The following ATP2C2 variants were observed in gnomAD, a reference collection of about 807,000 sequenced individuals.
ATP2C2 encodes ATPase secretory pathway Ca2+ transporting 2.
ATP2C2 carries 171 observed loss-of-function variants against 110.8 expected under a neutral mutation model. The observed-to-expected ratio is 1.54, with a 90% CI of 1.36 to 1.75. The LOEUF is 1.75. Ranked by LOEUF, ATP2C2 falls within the 40% of genes most tolerant of loss-of-function variation. The probability of loss-of-function intolerance (pLI) is 0.00; values close to 1 mark genes in which losing one functional copy is unlikely to be tolerated. For synonymous variants in ATP2C2, 804 were observed against 508.4 expected (o/e 1.58, Z -7.82); for missense variants, 1,963 against 1,235.0 (o/e 1.59, Z -8.84).
intron 26 of ATP2C2, 56 bp from the exon 27 acceptor site, chr16:84,463,558 C>T (rs954769073): frequency 6.8e-7 from 1 of 1,479,998 alleles, no homozygotes; most frequent in Non-Finnish European, 9.4e-7. Flanking sequence ...GCGCTTCCTG[C>T]CGGCGCAACA....
Position 84,461,827 on chromosome 16 carries a change from G to A in ATP2C2, c.2580+15G>A. 1 of 1,612,164 alleles carries A rather than the reference G, an allele frequency of 6.2e-7. No homozygotes were observed. The highest frequency in any genetic ancestry group is 8.5e-7 in the Non-Finnish European group (1 of 1,178,146). On this transcript the variant is annotated intron_variant, in intron 25 of 26. Transcript: ENST00000262429. ...GCCGCTCTCAGGTGAGACCCGGGCT[G>A]ACCCTCCTCGCTGCAGAGCTGCTGT... is the stretch of plus-strand genomic sequence containing the variant.
intron 15 of ATP2C2, among the ~76,000 whole-genome samples, chr16:84,443,651 C>G (rs915406149): frequency 6.6e-6 from 1 of 152,212 alleles, no homozygotes; most frequent in Non-Finnish European, 1.5e-5. Flanking sequence ...TCATCCCGGG[C>G]TCACTTCACT....
chr16:84,448,501 A>G (rs201062865), intron 16 of ATP2C2, 32 bp from the exon 17 acceptor site: 34 of 1,590,206 alleles, frequency 2.1e-5, no homozygotes, highest in Non-Finnish European at 2.8e-5. Context: ...GCTTCCAGTG[A>G]TAGTGGATTT....
At chr16:84,415,681 T>C (rs1296830536) in intron 7 of ATP2C2, 90 bp downstream of exon 7, 2 of 1,025,042 alleles carry the variant, frequency 2.0e-6, no homozygotes, top group African/African-American at 3.2e-5. Context: ...GTATAGTCTC[T>C]CTCATACACA....
rs1017586814 is a variant in ATP2C2 at position 84,439,101 on chromosome 16, C to T, written c.987-65C>T. On this transcript the variant is annotated intron_variant, in intron 11 of 26. Transcript: ENST00000262429. ...CTTCACCAGCCAAAAGCATTGCCAG[C>T]CCCAGCTGAGAGTCACACACTCCTT... 4.4e-6 allele frequency: 7 copies of T among 1,592,448 alleles called. No individual in the cohort carries two copies. In the African/African-American group the frequency reaches 9.4e-5, roughly 21 times the overall value.
In ATP2C2 at chr16:84,440,922, G is replaced by A. The variant is rs185081364; in HGVS notation, c.1275G>A (p.Lys425=). 27 of 1,613,404 alleles carry A rather than the reference G, an allele frequency of 1.7e-5. No individual in the cohort carries two copies. In the East Asian group the frequency reaches 4.7e-4, roughly 28 times the overall value. Residue 425 remains lysine (K), a synonymous_variant, in exon 14 of 27, where the codon AAG becomes AAA. Coordinates refer to ENST00000262429, the MANE Select transcript of ATP2C2 (RefSeq NM_014861.4). ...TTCTACCATCCAAGGAAGTCATTAA[G>A]GAATTTTCCAATGTCTCAGTGGGAA... ...VCLLPSKEVI[K]EFSNVSVGKL... is the part of the protein sequence containing the mutation.
chr16:84,453,227 G>T lies in ATP2C2; in HGVS notation c.1921G>T (p.Val641Leu). 6.2e-7 allele frequency: 1 copy of T among 1,614,088 alleles called. No homozygotes were observed. Among genetic ancestry groups the T allele is most frequent in the South Asian group, 1.1e-5 (1 of 91,074 alleles). The stretch of plus-strand genomic sequence containing the variant: ...GGAGAAGGGCGAGCTGGCCGACCGC[G>T]TGGGGAAGGTGGGTCCCCGGAGGCT... The part of the protein sequence containing the change: ...SVEKGELADR[V>L]GKVSVFFRTS... Residue 641 changes from valine (V) to leucine (L), a missense_variant, in exon 19 of 27, where the codon GTG becomes TTG. Physicochemically the swap from Val to Leu is conservative, Grantham distance 32. Transcript: ENST00000262429.
chr16:84,405,193 T>C lies in ATP2C2; in HGVS notation c.276T>C (p.Asn92=), dbSNP rs372754075. 9 of 1,613,958 alleles carry C rather than the reference T, an allele frequency of 5.6e-6. No homozygotes were observed. In the African/African-American group the frequency reaches 1.1e-4, roughly 19 times the overall value. Residue 92 remains asparagine (N), a synonymous_variant, in exon 3 of 27, where the codon AAT becomes AAC. Transcript: ENST00000262429. ...AGCGCCGGCTGGCCCATGGCTGGAA[T>C]GAGTTTGTTGCTGACAACAGCGAAC... The part of the protein sequence containing the change: ...VTQRRLAHGW[N]EFVADNSEPV...
chr16:84,460,977 C>G, intron 24 of ATP2C2, 176 bp downstream of exon 24: 2 of 957,536 alleles, frequency 2.1e-6, no homozygotes, highest in Non-Finnish European at 2.9e-6. Context: ...GACTGGGTGA[C>G]CCTTGAAAGA....
chr16:84,395,489 C>T (rs1904916244), intron 1 of ATP2C2, among the ~76,000 whole-genome samples: 2 of 149,672 alleles, frequency 1.3e-5, no homozygotes, highest in Admixed American at 1.3e-4. Flanking sequence ...GACAGAGTCT[C>T]ACTCTGTTGC....
intron 1 of ATP2C2, among the ~76,000 whole-genome samples, chr16:84,384,407 T>C (rs1904294789): frequency 6.6e-6 from 1 of 152,204 alleles, no homozygotes; most frequent in African/African-American, 2.4e-5. Context: ...GGTTACGCGC[T>C]TCTGGAGAAA....
Position 84,448,680 on chromosome 16 carries a change from G to A in ATP2C2, c.1651G>A (p.Gly551Ser), listed in dbSNP as rs767903666. ...LQEEKRMGSL[G>S]LRVLALASGP... ...GGAAGAGAAGAGGATGGGGTCGCTC[G>A]GTTTGCGGGGTCAGTGCCTGTGGTC... The change falls in exon 17 of 27, where the codon GGT (glycine) becomes AGT (serine). Residue 551 changes from glycine to serine, a missense_variant. By Grantham distance (56) the Gly-to-Ser change is moderately conservative. Transcript: ENST00000262429. 13 of 1,611,586 alleles carry A rather than the reference G, an allele frequency of 8.1e-6. No individual in the cohort carries two copies. The highest frequency in any genetic ancestry group is 4.5e-5 in the East Asian group (2 of 44,742).
At chr16:84,399,442 G>T (rs917818045) in intron 2 of ATP2C2, among the ~76,000 whole-genome samples, 1 of 152,170 alleles carries the variant, frequency 6.6e-6, no homozygotes, top group Non-Finnish European at 1.5e-5. Flanking sequence ...TCCTCTACCA[G>T]CAAGTACAGT....
intron 13 of ATP2C2, 130 bp from the exon 14 acceptor site, chr16:84,440,727 C>T (rs1259378295): frequency 5.2e-5 from 36 of 687,136 alleles, no homozygotes; most frequent in Non-Finnish European, 9.1e-5. Context: ...AGAACATCTT[C>T]ATACTGAAAG....
At chr16:84,463,508 C>T in intron 26 of ATP2C2, 106 bp from the exon 27 acceptor site, 1 of 930,996 alleles carries the variant, frequency 1.1e-6, no homozygotes, top group Non-Finnish European at 1.7e-6. Flanking sequence ...AGGGCTGGTC[C>T]TCCGCACCTC....
At chr16:84,399,799 G>A (rs1455819002) in intron 2 of ATP2C2, among the ~76,000 whole-genome samples, 2 of 152,124 alleles carry the variant, frequency 1.3e-5, no homozygotes, top group African/African-American at 4.8e-5. Context: ...ATTTTAAAAT[G>A]TACAATTAAA....
intron 26 of ATP2C2, chr16:84,462,332 G>T (rs527820587): frequency 1.5e-6 from 1 of 647,548 alleles, no homozygotes; most frequent in Non-Finnish European, 2.5e-6. Flanking sequence ...GAAACCCCTA[G>T]GAAGAGGCCT....
chr16:84,414,901 C>T (rs997345634), intron 6 of ATP2C2, among the ~76,000 whole-genome samples: 10 of 152,078 alleles, frequency 6.6e-5, no homozygotes, highest in African/African-American at 2.4e-4. Flanking sequence ...TCTAAGAGCG[C>T]TCCAGCTGCC....
At chr16:84,455,068 A>AGGG (rs1472668964) in intron 21 of ATP2C2, 84 bp downstream of exon 21, 2 of 1,250,356 alleles carry the variant, frequency 1.6e-6, no homozygotes, top group South Asian at 1.4e-5. Context: ...CTGTGGAGAT[A>AGGG]GAGGGGGGGG....
Sources: allele counts gnomAD v4.1 joint callset (sites outside exome capture counted in the v4.1 genomes callset), GRCh38; gene constraint gnomAD v4.1.1; transcripts MANE v1.5; gene names NCBI Gene and HGNC (gene_info 2026-07-23, HGNC 2026-07-21).